The following RALYL variants were observed in gnomAD, a reference collection of about 807,000 sequenced individuals.
The protein encoded by RALYL is RNA-binding Raly-like protein.
A neutral mutation model predicts 35.1 loss-of-function variants in RALYL; 29 were observed. That is an observed-to-expected ratio of 0.83 (90% CI 0.61 to 1.13). The LOEUF (loss-of-function observed/expected upper bound fraction) is 1.13, where lower values mean the gene tolerates loss of function less well. Ranked by LOEUF, RALYL falls within the 50% of genes most tolerant of loss-of-function variation. The probability of loss-of-function intolerance (pLI) is 0.00; values close to 1 mark genes in which losing one functional copy is unlikely to be tolerated. For missense variants in RALYL, 359 were observed against 360.4 expected, an observed-to-expected ratio of 1.00 and a Z score of 0.03; for synonymous variants, 120 against 127.6, an observed-to-expected ratio of 0.94 and a Z score of 0.40.
chr8:84,855,752 T>G (rs1042281532), intron 5 of RALYL, among the ~76,000 whole-genome samples: 3 of 152,214 alleles, frequency 2.0e-5, no homozygotes, highest in Non-Finnish European at 4.4e-5. Flanking sequence ...AAATCCAACC[T>G]CTTTTTTCAA....
At chr8:84,271,386 A>G (rs1228543155) in intron 1 of RALYL, among the ~76,000 whole-genome samples, 9 of 151,214 alleles carry the variant, frequency 6.0e-5, no homozygotes, top group Admixed American at 6.6e-5. Context: ...AATACCAAGT[A>G]TAGGTGAGTA....
intron 5 of RALYL, among the ~76,000 whole-genome samples, chr8:84,850,318 T>A (rs1835577187): frequency 6.6e-6 from 1 of 152,198 alleles, no homozygotes; most frequent in Non-Finnish European, 1.5e-5. Context: ...ATCTGCCAAG[T>A]CATTTGTTGA....
chr8:84,394,659 A>AT (rs60737649), intron 1 of RALYL, among the ~76,000 whole-genome samples: 4,304 of 152,102 alleles, frequency 0.028, 198 homozygotes, highest in African/African-American at 0.098. Context: ...TACTGGATAT[A>AT]CCATATATAT....
intron 2 of RALYL, among the ~76,000 whole-genome samples, chr8:84,612,944 A>G (rs550993113): frequency 6.6e-6 from 1 of 151,842 alleles, no homozygotes; most frequent in Admixed American, 6.6e-5. Context: ...TAGTTTTCGT[A>G]GTAAAATTTA....
intron 1 of RALYL, among the ~76,000 whole-genome samples, chr8:84,381,982 G>A (rs1445505023): frequency 6.6e-6 from 1 of 151,344 alleles, no homozygotes; most frequent in African/African-American, 2.4e-5. Flanking sequence ...ATTGATGATT[G>A]GAAATATAGC....
At chr8:84,289,889 T>C (rs534690510) in intron 1 of RALYL, among the ~76,000 whole-genome samples, 3 of 152,146 alleles carry the variant, frequency 2.0e-5, no homozygotes, top group Non-Finnish European at 2.9e-5. Flanking sequence ...AACCTGGGTA[T>C]TTGTTTTTTC....
chr8:84,592,844 T>A (rs2130572810), intron 2 of RALYL, among the ~76,000 whole-genome samples: 1 of 152,266 alleles, frequency 6.6e-6, no homozygotes, highest in East Asian at 1.9e-4. Flanking sequence ...CCTTCATTAC[T>A]CTCAAATTTG....
chr8:84,868,345 ACCATGCCT>A (rs1347487788), intron 6 of RALYL, among the ~76,000 whole-genome samples: 1 of 152,048 alleles, frequency 6.6e-6, no homozygotes, highest in Admixed American at 6.6e-5. Flanking sequence ...GGTGCATACC[ACCATGCCT>A]GGCTAATTTC....
intron 1 of RALYL, among the ~76,000 whole-genome samples, chr8:84,378,232 G>A (rs1021655939): frequency 6.6e-6 from 1 of 151,842 alleles, no homozygotes; most frequent in African/African-American, 2.4e-5. Context: ...TGCCAATAAA[G>A]TTATAAGGTC....
intron 1 of RALYL, among the ~76,000 whole-genome samples, chr8:84,447,318 G>A (rs565193107): frequency 7.9e-5 from 12 of 152,090 alleles, no homozygotes; most frequent in East Asian, 1.9e-4. Flanking sequence ...CTGAATCTTC[G>A]TGTCTGGATC....
intron 8 of RALYL, among the ~76,000 whole-genome samples, chr8:84,911,530 G>A (rs1440905948): frequency 1.3e-5 from 2 of 152,094 alleles, no homozygotes; most frequent in Non-Finnish European, 1.5e-5. Context: ...ACCAAATGTG[G>A]TGGTAGAGGG....
chr8:84,860,117 A>G (rs547733642), intron 5 of RALYL, among the ~76,000 whole-genome samples: 1 of 152,212 alleles, frequency 6.6e-6, no homozygotes, highest in African/African-American at 2.4e-5. Context: ...AAATATTGAT[A>G]AACATTTTTG....
intron 2 of RALYL, among the ~76,000 whole-genome samples, chr8:84,707,523 C>A (rs1193328074): frequency 6.6e-6 from 1 of 152,004 alleles, no homozygotes; most frequent in Non-Finnish European, 1.5e-5. Context: ...AATGTGCTCA[C>A]TGAAGTCTGC....
At chr8:84,835,851 T>G (rs1186431609) in intron 4 of RALYL, among the ~76,000 whole-genome samples, 1 of 148,236 alleles carries the variant, frequency 6.7e-6, no homozygotes, top group Non-Finnish European at 1.5e-5. Context: ...GCAAGGAGAT[T>G]TTTTTTTTTT....
intron 4 of RALYL, among the ~76,000 whole-genome samples, chr8:84,814,963 A>G (rs1356907603): frequency 6.6e-6 from 1 of 152,254 alleles, no homozygotes; most frequent in Non-Finnish European, 1.5e-5. Context: ...TTCTGATACC[A>G]GTGGGGCCTG....
chr8:84,865,890 A>C (rs1203823018), intron 6 of RALYL, among the ~76,000 whole-genome samples: 1 of 152,216 alleles, frequency 6.6e-6, no homozygotes, highest in South Asian at 2.1e-4. Flanking sequence ...CAGGAAATTA[A>C]AGACAATTCA....
At chr8:84,902,187 G>T (rs1343116307) in intron 8 of RALYL, among the ~76,000 whole-genome samples, 1 of 152,094 alleles carries the variant, frequency 6.6e-6, no homozygotes, top group African/African-American at 2.4e-5. Context: ...CATGATGCTG[G>T]CATCTCCTCA....
intron 4 of RALYL, among the ~76,000 whole-genome samples, chr8:84,825,158 A>T (rs185298267): frequency 1.4e-3 from 211 of 152,302 alleles, no homozygotes; most frequent in Non-Finnish European, 2.7e-3. Context: ...CAAGCAAAAA[A>T]ACAACCCCAT....
intron 1 of RALYL, among the ~76,000 whole-genome samples, chr8:84,201,466 AGT>A (rs1319597574): frequency 6.6e-6 from 1 of 152,044 alleles, no homozygotes; most frequent in Non-Finnish European, 1.5e-5. Flanking sequence ...TATGAGTGTG[AGT>A]GTGTGTGGAG....
Sources: allele counts gnomAD v4.1 joint callset (sites outside exome capture counted in the v4.1 genomes callset), GRCh38; gene constraint gnomAD v4.1.1; transcripts MANE v1.5; gene names NCBI Gene and HGNC (gene_info 2026-07-23, HGNC 2026-07-21).